The following AHNAK variants were observed in gnomAD, a reference collection of about 807,000 sequenced individuals.
AHNAK encodes AHNAK nucleoprotein, also known as neuroblast differentiation-associated protein AHNAK.
In AHNAK, 23 loss-of-function variants were observed where a neutral mutation model predicts 37.8. The ratio of observed to expected loss-of-function variants is 0.61; its 90% CI spans 0.44 to 0.86. The LOEUF is 0.86. Ranked by LOEUF, AHNAK falls within the 40% of genes least tolerant of loss-of-function variation. AHNAK has a pLI of 0.00. For synonymous variants in AHNAK, 2,481 were observed against 2,636.3 expected (o/e 0.94, Z 1.80); for missense variants, 7,411 against 7,319.4 (o/e 1.01, Z -0.46).
chr11:62,510,835 G>A (rs1028486790), intron 4 of AHNAK, among the ~76,000 whole-genome samples: 1 of 151,566 alleles, frequency 6.6e-6, no homozygotes, highest in Non-Finnish European at 1.5e-5. Flanking sequence ...TTAGCAATTG[G>A]TGAATCCAAC....
chr11:62,437,348 C>A (rs1180555874), intron 5 of AHNAK, among the ~76,000 whole-genome samples: 1 of 152,032 alleles, frequency 6.6e-6, no homozygotes, highest in Non-Finnish European at 1.5e-5. Context: ...GCACTCAAAC[C>A]CCTCAGCTTT....
chr11:62,532,914 G>A lies in AHNAK; in HGVS notation c.1503C>T (p.Ser501=), dbSNP rs763290587. The change falls in exon 5 of 5, where the codon TCC becomes TCT. Residue 501 remains serine (S), a synonymous_variant. Transcript: ENST00000378024. The part of the protein sequence containing the change: ...PEMIIQKPKI[S]MQDVDLSLGS... ...CAAGGCTCAGATCCACATCCTGCAT[G>A]GAGATTTTAGGTTTCTGAATAATCA... 1 of 1,614,066 alleles carries A rather than the reference G, an allele frequency of 6.2e-7. No homozygotes were observed. The highest frequency in any genetic ancestry group is 8.5e-7 in the Non-Finnish European group (1 of 1,180,014).
Position 62,518,404 on chromosome 11 carries a change from A to T in AHNAK, c.16013T>A (p.Met5338Lys). ...GLNLSGVGGK[M>K]QVGGDGVKVP... is the part of the protein sequence containing the mutation. ...TTTCACACCGTCTCCTCCCACCTGC[A>T]TTTTGCCACCGACACCACTGAGGTT... The change falls in exon 5 of 5, where the codon ATG becomes AAG. Residue 5338 changes from methionine to lysine, a missense_variant. Transcript: ENST00000378024. 6.2e-7 allele frequency: 1 copy of T among 1,613,952 alleles called. No homozygotes were observed. Among genetic ancestry groups the T allele is most frequent in the African/African-American group, 1.3e-5 (1 of 74,960 alleles).
intron 5 of AHNAK, among the ~76,000 whole-genome samples, chr11:62,490,591 G>A (rs758151919): frequency 2.6e-5 from 4 of 152,104 alleles, no homozygotes; most frequent in Admixed American, 1.3e-4. Context: ...GCTGGGCAAG[G>A]AAGAGGTGAG....
intron 5 of AHNAK, among the ~76,000 whole-genome samples, chr11:62,486,961 G>A (rs1021512303): frequency 1.3e-5 from 2 of 152,068 alleles, no homozygotes; most frequent in African/African-American, 4.8e-5. Context: ...ACTGAGTAAG[G>A]AGCGGCAGAC....
Position 62,527,222 on chromosome 11 carries a change from T to G in AHNAK, c.7195A>C (p.Lys2399Gln). The G allele has an allele frequency of 6.2e-7, 1 of 1,613,060 alleles. No homozygotes were observed. The highest frequency in any genetic ancestry group is 8.5e-7 in the Non-Finnish European group (1 of 1,179,598). Residue 2399 changes from lysine to glutamine, a missense_variant, in exon 5 of 5, where the codon AAG becomes CAG. Transcript: ENST00000378024. ...PDLDLHLKSP[K>Q]AKGEVDVDVP... Reference sequence around the variant, plus strand: ...TCTACATCCACCTCTCCTTTTGCCTTGGGGCTCTTCAAGTGTAGATCGAGG... The same window carrying G: ...TCTACATCCACCTCTCCTTTTGCCTGGGGGCTCTTCAAGTGTAGATCGAGG...
chr11:62,436,831 C>G (rs899576419), intron 5 of AHNAK, among the ~76,000 whole-genome samples: 1 of 151,582 alleles, frequency 6.6e-6, no homozygotes, highest in African/African-American at 2.4e-5. Context: ...CCCAGCTACT[C>G]GGGAAACTGA....
intron 5 of AHNAK, among the ~76,000 whole-genome samples, chr11:62,463,743 G>T (rs1014549346): frequency 2.6e-5 from 4 of 151,674 alleles, no homozygotes; most frequent in Admixed American, 6.6e-5. Flanking sequence ...TTGGTTGGTT[G>T]GTTTGTTTTG....
At chr11:62,457,129 T>C (rs1364909998) in intron 5 of AHNAK, among the ~76,000 whole-genome samples, 1 of 151,986 alleles carries the variant, frequency 6.6e-6, no homozygotes, top group African/African-American at 2.4e-5. Flanking sequence ...GGCGAAATCT[T>C]CTACTAAATA....
Position 62,510,844 on chromosome 11 carries a change from A to G in AHNAK, c.343-19013T>C, listed in dbSNP as rs1282892705. ...TAAATGTTAGCAATTGGTGAATCCA[A>G]CTGAAAGCTATATGAATATTCATTG... On this transcript the variant is annotated intron_variant, in intron 4 of 5. Coordinates refer to the AHNAK transcript ENST00000257247. Among the ~76,000 whole-genome samples the G allele has an allele frequency of 3.3e-5, 5 of 152,078 alleles. No individual in the cohort carries two copies. The East Asian group carries it at 5.8e-4, about 18-fold the overall frequency.
At chr11:62,503,096 T>C (rs1416584509) in intron 4 of AHNAK, among the ~76,000 whole-genome samples, 1 of 152,216 alleles carries the variant, frequency 6.6e-6, no homozygotes, top group Non-Finnish European at 1.5e-5. Flanking sequence ...TGCTCATAAA[T>C]ACAAAACAAT....
chr11:62,526,070 C>T lies in AHNAK; in HGVS notation c.8347G>A (p.Gly2783Ser). Residue 2783 changes from glycine to serine, a missense_variant, in exon 5 of 5, where the codon GGT (glycine) becomes AGT (serine). Physicochemically the swap from Gly to Ser is moderately conservative, Grantham distance 56 (BLOSUM62 0). Transcript: ENST00000378024. ...KISMPGFKGE[G>S]PDVDVNLPKA... The stretch of plus-strand genomic sequence containing the variant: ...GGCAGGTTCACGTCCACATCTGGAC[C>T]TTCTCCTTTGAAGCCAGGCATGCTG... 6.2e-7 allele frequency: 1 copy of T among 1,613,334 alleles called. No individual in the cohort carries two copies. The highest frequency in any genetic ancestry group is 1.7e-5 in the Admixed American group (1 of 59,916).
chr11:62,522,141 T>C lies in AHNAK; in HGVS notation c.12276A>G (p.Ser4092=). 4 of 1,613,934 alleles carry C rather than the reference T, an allele frequency of 2.5e-6. No homozygotes were observed. The highest frequency in any genetic ancestry group is 3.4e-6 in the Non-Finnish European group (4 of 1,180,004). ...VNLPKADIDV[S]GPKVDIDTPD... The stretch of plus-strand genomic sequence containing the variant: ...GAGTGTCAATGTCCACTTTGGGTCC[T>C]GAGACATCAATGTCAGCTTTGGGCA... Residue 4092 remains serine, a synonymous_variant, in exon 5 of 5, where the codon TCA becomes TCG. Coordinates refer to ENST00000378024, the MANE Select transcript of AHNAK (RefSeq NM_001620.3).
At chr11:62,511,635 G>C (rs189152010), downstream of AHNAK, among the ~76,000 whole-genome samples, 11 of 152,314 alleles carry the variant, frequency 7.2e-5, no homozygotes, top group Non-Finnish European at 1.6e-4. Context: ...TGGGACATAT[G>C]TGTGCTTCTT....
intron 3 of AHNAK, 77 bp from the exon 4 acceptor site, chr11:62,535,267 C>T: frequency 7.5e-7 from 1 of 1,341,832 alleles, no homozygotes; most frequent in Non-Finnish European, 1.0e-6. Flanking sequence ...ACACACTGGG[C>T]ACTGAACTGA....
At chr11:62,463,868 A>G (rs1363025498) in intron 5 of AHNAK, among the ~76,000 whole-genome samples, 1 of 151,780 alleles carries the variant, frequency 6.6e-6, no homozygotes, top group African/African-American at 2.4e-5. Flanking sequence ...GGTTCAAACA[A>G]TTCTCCTGCC....
In AHNAK at chr11:62,531,228, T is replaced by G. The variant is rs139107742; in HGVS notation, c.3189A>C (p.Arg1063Ser). 6 of 1,613,568 alleles carry G rather than the reference T, an allele frequency of 3.7e-6. No homozygotes were observed. The African/African-American group carries it at 8.0e-5, about 22-fold the overall frequency. The change falls in exon 5 of 5, where the codon AGA (arginine) becomes AGC (serine). Residue 1063 changes from arginine to serine, a missense_variant. Coordinates refer to ENST00000378024, the MANE Select transcript of AHNAK (RefSeq NM_001620.3). The part of the protein sequence containing the change: ...PKFKMPEMHF[R>S]APKMSLPDVD... ...CATCTGGCAAAGACATCTTAGGAGC[T>G]CTGAAGTGCATCTCAGGCATCTTAA...
chr11:62,483,056 A>T (rs942723920), intron 5 of AHNAK, among the ~76,000 whole-genome samples: 1 of 152,216 alleles, frequency 6.6e-6, no homozygotes, highest in Non-Finnish European at 1.5e-5. Flanking sequence ...TTTCACACCA[A>T]GAAGCACTGC....
Position 62,519,769 on chromosome 11 carries a change from A to G in AHNAK, c.14648T>C (p.Val4883Ala). Residue 4883 changes from valine (V) to alanine (A), a missense_variant, in exon 5 of 5, where the codon GTA (valine) becomes GCA (alanine). Val to Ala is a moderately conservative substitution (Grantham distance 64). Transcript: ENST00000378024. ...ATCCAGACGTGGACCTTTAAGATCT[A>G]CTTCTGGGCCTTTCAAAGTCCCTTC... ...KVEGTLKGPE[V>A]DLKGPRLDFE... is the part of the protein sequence containing the mutation. 6.2e-7 allele frequency: 1 copy of G among 1,612,394 alleles called. No homozygotes were observed. Among genetic ancestry groups the G allele is most frequent in the Non-Finnish European group, 8.5e-7 (1 of 1,179,182 alleles).
Sources: gnomAD v4.1 joint callset for allele counts (sites outside exome capture counted in the v4.1 genomes callset) on GRCh38, gnomAD v4.1.1 for gene constraint, MANE v1.5 for transcripts, NCBI Gene and HGNC (gene_info 2026-07-23, HGNC 2026-07-21) for gene names.